The following CACNG5 variants were observed in gnomAD, a reference collection of about 807,000 sequenced individuals.
CACNG5 encodes voltage-dependent calcium channel gamma-5 subunit.
A neutral mutation model predicts 24.8 loss-of-function variants in CACNG5; 18 were observed. That is an observed-to-expected ratio of 0.73 (90% CI 0.50 to 1.08). CACNG5 has a LOEUF of 1.08. Among genes scored for constraint, CACNG5 ranks in the 50% least tolerant of loss-of-function variants. The pLI is 0.00. For synonymous variants in CACNG5, 157 were observed against 149.1 expected (o/e 1.05, Z -0.39); for missense variants, 349 against 367.9 (o/e 0.95, Z 0.42).
Position 66,894,090 on chromosome 17 carries a change from A to ACCAT in CACNG5, c.*8853_*8856dup, listed in dbSNP as rs1398012605. 3.3e-5 allele frequency among the ~76,000 whole-genome samples: 5 copies of ACCAT among 152,018 alleles called. No individual in the cohort carries two copies. In the South Asian group the frequency reaches 6.2e-4, roughly 19 times the overall value. Reference sequence around the variant, plus strand: ...CCTGTTGTCCTGTGTCCTCGTAAACACCATCCCGCCACCCCTCTCAGGCCC... The same window carrying ACCAT: ...CCTGTTGTCCTGTGTCCTCGTAAACACCATCCATCCCGCCACCCCTCTCAGGCCC... On this transcript the variant is annotated 3_prime_UTR_variant, in exon 6 of 6. Transcript: ENST00000533854.
Position 66,893,183 on chromosome 17 carries a change from C to A in CACNG5, c.*7943C>A, listed in dbSNP as rs1598069841. On this transcript the variant is annotated 3_prime_UTR_variant, in exon 6 of 6. Coordinates refer to ENST00000533854, the MANE Select transcript of CACNG5 (RefSeq NM_145811.3). Reference sequence around the variant, plus strand: ...CTCTGCAAGTCCTGTTTCAAGTGCACCCCCAAGAGCATGGCACCTACAGTC... The same window carrying A: ...CTCTGCAAGTCCTGTTTCAAGTGCAACCCCAAGAGCATGGCACCTACAGTC... 6.6e-6 allele frequency among the ~76,000 whole-genome samples: 1 copy of A among 152,144 alleles called. No homozygotes were observed. Among genetic ancestry groups the A allele is most frequent in the Non-Finnish European group, 1.5e-5 (1 of 68,024 alleles).
At chr17:66,879,540 C>T (rs1380269581) in intron 3 of CACNG5, among the ~76,000 whole-genome samples, 1 of 152,154 alleles carries the variant, frequency 6.6e-6, no homozygotes, top group Non-Finnish European at 1.5e-5. Context: ...CCCATAACTC[C>T]ATCAGGTTCA....
chr17:66,846,985 C>T (rs890085787), intron 1 of CACNG5, among the ~76,000 whole-genome samples: 4 of 152,232 alleles, frequency 2.6e-5, no homozygotes, highest in South Asian at 2.1e-4. Context: ...CAGATACACA[C>T]GTGGAGGCAC....
intron 1 of CACNG5, among the ~76,000 whole-genome samples, chr17:66,869,383 C>T (rs1296234472): frequency 6.6e-6 from 1 of 152,140 alleles, no homozygotes; most frequent in Non-Finnish European, 1.5e-5. Context: ...CTCGCCTGGC[C>T]AAGTTGTGCT....
At chr17:66,842,881 A>C (rs943886398) in intron 1 of CACNG5, among the ~76,000 whole-genome samples, 1 of 152,214 alleles carries the variant, frequency 6.6e-6, no homozygotes, top group Non-Finnish European at 1.5e-5. Context: ...TCTTGGAGAA[A>C]GAGCAGGGAC....
chr17:66,840,279 A>G (rs1381754092), intron 1 of CACNG5, among the ~76,000 whole-genome samples: 1 of 152,208 alleles, frequency 6.6e-6, no homozygotes, highest in Non-Finnish European at 1.5e-5. Flanking sequence ...CAGCAATGCC[A>G]TCTGCTGAGG....
intron 1 of CACNG5, among the ~76,000 whole-genome samples, chr17:66,875,181 C>T (rs1759685727): frequency 6.6e-6 from 1 of 152,156 alleles, no homozygotes; most frequent in Admixed American, 6.6e-5. Context: ...GCCTCTTCCT[C>T]AGCTGCAAGC....
intron 4 of CACNG5, among the ~76,000 whole-genome samples, chr17:66,884,057 G>A (rs1027932485): frequency 1.1e-4 from 16 of 151,978 alleles, no homozygotes; most frequent in African/African-American, 2.9e-4. Flanking sequence ...ACTTGAACCC[G>A]GGAGGCAGAG....
chr17:66,863,256 G>A (rs912452225), intron 1 of CACNG5, among the ~76,000 whole-genome samples: 1 of 152,026 alleles, frequency 6.6e-6, no homozygotes, highest in Admixed American at 6.6e-5. Context: ...AGAACAAAAG[G>A]CACATTAACT....
chr17:66,862,933 T>TGC (rs1976885334), intron 1 of CACNG5, among the ~76,000 whole-genome samples: 1 of 146,068 alleles, frequency 6.8e-6, no homozygotes, highest in Non-Finnish European at 1.5e-5. Flanking sequence ...TGTGTGTGTG[T>TGC]GTGTGTCTCA....
At chr17:66,851,091 A>G (rs566926469) in intron 1 of CACNG5, among the ~76,000 whole-genome samples, 2 of 152,238 alleles carry the variant, frequency 1.3e-5, no homozygotes, top group African/African-American at 4.8e-5. Flanking sequence ...AAAATTTGCC[A>G]ACTACCAGCC....
At chr17:66,883,860 G>A (rs1019324249) in intron 4 of CACNG5, among the ~76,000 whole-genome samples, 5 of 152,170 alleles carry the variant, frequency 3.3e-5, no homozygotes, top group African/African-American at 4.8e-5. Context: ...AGTGCCAGGC[G>A]CAGTGGCTCA....
chr17:66,864,349 G>A (rs1468729559), intron 1 of CACNG5, among the ~76,000 whole-genome samples: 1 of 152,222 alleles, frequency 6.6e-6, no homozygotes, highest in Non-Finnish European at 1.5e-5. Flanking sequence ...AGCATCATAA[G>A]ATTGCTGTGC....
At chr17:66,847,962 G>A (rs1416479001) in intron 1 of CACNG5, among the ~76,000 whole-genome samples, 1 of 152,230 alleles carries the variant, frequency 6.6e-6, no homozygotes, top group Non-Finnish European at 1.5e-5. Context: ...GGCCGGGGTA[G>A]GCTGTGAGTG....
At chr17:66,849,335 C>T (rs1289796011) in intron 1 of CACNG5, among the ~76,000 whole-genome samples, 6 of 151,170 alleles carry the variant, frequency 4.0e-5, no homozygotes, top group Non-Finnish European at 8.9e-5. Context: ...CGCACTGGGA[C>T]GGGAGGGGCA....
chr17:66,868,319 T>C (rs1408593590), intron 1 of CACNG5, among the ~76,000 whole-genome samples: 1 of 152,178 alleles, frequency 6.6e-6, no homozygotes, highest in Non-Finnish European at 1.5e-5. Context: ...GTGCCAGAGC[T>C]CTGTATCCTC....
intron 1 of CACNG5, among the ~76,000 whole-genome samples, chr17:66,836,384 A>C (rs913715329): frequency 1.3e-5 from 2 of 152,098 alleles, no homozygotes; most frequent in Non-Finnish European, 2.9e-5. Flanking sequence ...TCATTTCCAC[A>C]AACCTGAAGT....
chr17:66,838,960 C>CTTTTTTTTTGTTTTTTTTTTTTTT (rs1976522811), intron 1 of CACNG5, among the ~76,000 whole-genome samples: 1 of 88,094 alleles, frequency 1.1e-5, no homozygotes, highest in African/African-American at 4.9e-5. Flanking sequence ...CTCACCCATT[C>CTTTTTTTTTGTTTTTTTTTTTTTT]TTTTTTTTTT....
intron 1 of CACNG5, among the ~76,000 whole-genome samples, chr17:66,846,920 G>A (rs947004130): frequency 6.6e-5 from 10 of 152,254 alleles, no homozygotes; most frequent in African/African-American, 2.2e-4. Flanking sequence ...CCACATCCTC[G>A]CCAAAACTTA....
Sources: allele counts gnomAD v4.1 joint callset (sites outside exome capture counted in the v4.1 genomes callset), GRCh38; gene constraint gnomAD v4.1.1; transcripts MANE v1.5; gene names NCBI Gene and HGNC (gene_info 2026-07-23, HGNC 2026-07-21).